Variants in KCTD9 observed in about 807,000 individuals in gnomAD.
The protein encoded by KCTD9 is BTB/POZ domain-containing protein KCTD9.
Under a neutral mutation model 53.3 loss-of-function variants are expected in KCTD9, and 17 were observed. The ratio of observed to expected loss-of-function variants is 0.32; its 90% CI spans 0.22 to 0.48. The LOEUF is 0.48. Among genes scored for constraint, KCTD9 ranks in the 20% least tolerant of loss-of-function variants. The probability of loss-of-function intolerance (pLI) is 0.99; values close to 1 mark genes in which losing one functional copy is unlikely to be tolerated. For missense variants in KCTD9, 179 were observed against 465.5 expected, an observed-to-expected ratio of 0.38 and a Z score of 5.66; for synonymous variants, 128 against 162.7, an observed-to-expected ratio of 0.79 and a Z score of 1.62.
intron 3 of KCTD9, among the ~76,000 whole-genome samples, chr8:25,444,030 C>T (rs948182678): frequency 7.9e-5 from 12 of 152,232 alleles, no homozygotes; most frequent in African/African-American, 2.9e-4. Context: ...ATCAAAACTA[C>T]CTTACTATGT....
At chr8:25,439,541 G>A in intron 5 of KCTD9, 65 bp downstream of exon 5, 1 of 1,590,572 alleles carries the variant, frequency 6.3e-7, no homozygotes, top group Non-Finnish European at 8.6e-7. Context: ...AAGGTCAGGA[G>A]TTATAAAGTC....
intron 1 of KCTD9, among the ~76,000 whole-genome samples, 189 bp downstream of exon 1, chr8:25,458,010 C>T (rs1348947537): frequency 6.6e-6 from 1 of 151,782 alleles, no homozygotes; most frequent in African/African-American, 2.4e-5. Context: ...AGGGCAGGCT[C>T]GGGCACGGGG....
intron 3 of KCTD9, among the ~76,000 whole-genome samples, chr8:25,441,573 C>T (rs1169081487): frequency 1.3e-5 from 2 of 151,862 alleles, no homozygotes; most frequent in African/African-American, 4.8e-5. Flanking sequence ...GTAGCAAGAA[C>T]TCCCAAGAGA....
At chr8:25,433,538 T>G in intron 9 of KCTD9, 103 bp from the exon 10 acceptor site, 1 of 483,130 alleles carries the variant, frequency 2.1e-6, no homozygotes, top group South Asian at 5.1e-5. Flanking sequence ...AAGGCTCAAC[T>G]CAAAACACTC....
chr8:25,449,430 A>G (rs1802277182), intron 1 of KCTD9, among the ~76,000 whole-genome samples: 1 of 152,170 alleles, frequency 6.6e-6, no homozygotes, highest in South Asian at 2.1e-4. Flanking sequence ...CAAAAAATAG[A>G]TGCAAGTTGA....
intron 3 of KCTD9, among the ~76,000 whole-genome samples, 181 bp downstream of exon 3, chr8:25,444,111 C>T (rs1020091667): frequency 2.6e-5 from 4 of 152,002 alleles, no homozygotes; most frequent in Non-Finnish European, 4.4e-5. Flanking sequence ...TAATAAACTA[C>T]GATCATATAG....
chr8:25,440,461 A>G (rs994744331), intron 4 of KCTD9, 116 bp downstream of exon 4: 11 of 737,848 alleles, frequency 1.5e-5, no homozygotes, highest in African/African-American at 3.5e-5. Flanking sequence ...TTCAGATCAC[A>G]TAGTATATTT....
intron 5 of KCTD9, 73 bp from the exon 6 acceptor site, chr8:25,439,480 T>G (rs1802077552): frequency 1.3e-6 from 2 of 1,565,008 alleles, no homozygotes; most frequent in Non-Finnish European, 1.7e-6. Flanking sequence ...AGGAAAAAAT[T>G]GCTAAATATA....
chr8:25,431,831 T>C (rs1323249919), intron 11 of KCTD9, among the ~76,000 whole-genome samples: 6 of 152,118 alleles, frequency 3.9e-5, no homozygotes, highest in Non-Finnish European at 1.5e-5. Context: ...GCTATCCAAT[T>C]TATACCAGAT....
intron 1 of KCTD9, among the ~76,000 whole-genome samples, chr8:25,447,032 T>C (rs1033381885): frequency 1.3e-5 from 2 of 152,190 alleles, no homozygotes; most frequent in Non-Finnish European, 1.5e-5. Flanking sequence ...ACTGTAACTA[T>C]GGGTTCCCAG....
chr8:25,433,895 C>A (rs1247925436), intron 9 of KCTD9, among the ~76,000 whole-genome samples: 1 of 152,058 alleles, frequency 6.6e-6, no homozygotes, highest in Non-Finnish European at 1.5e-5. Flanking sequence ...TTCTAAGATG[C>A]TACTACTGCC....
chr8:25,448,403 T>C (rs1563249398), intron 1 of KCTD9, among the ~76,000 whole-genome samples: 1 of 152,208 alleles, frequency 6.6e-6, no homozygotes, highest in Non-Finnish European at 1.5e-5. Context: ...GACTTATTTC[T>C]TAATGGTTAC....
At chr8:25,431,115 G>A (rs2117383437) in intron 11 of KCTD9, among the ~76,000 whole-genome samples, 1 of 152,222 alleles carries the variant, frequency 6.6e-6, no homozygotes, top group South Asian at 2.1e-4. Context: ...ACAGGCATGA[G>A]CCACTGCGCC....
chr8:25,436,177 A>C, intron 8 of KCTD9, 58 bp downstream of exon 8: 1 of 1,092,054 alleles, frequency 9.2e-7, no homozygotes, highest in South Asian at 1.3e-5. Context: ...AGAAGAATGT[A>C]AAATTTTATT....
chr8:25,437,330 T>C (rs1802035618), intron 6 of KCTD9, among the ~76,000 whole-genome samples: 1 of 152,196 alleles, frequency 6.6e-6, no homozygotes, highest in Admixed American at 6.5e-5. Context: ...GCAGCCAGGA[T>C]ACGTTTCCAA....
Position 25,429,673 on chromosome 8 carries a change from G to A in KCTD9, c.*184C>T. ...ATGAGTGCTTTTCTGTTAAAAATCA[G>A]AATATGGAAAAAAAGTCAGTTTTTT... On this transcript the variant is annotated 3_prime_UTR_variant, in exon 12 of 12. Coordinates refer to ENST00000221200, the MANE Select transcript of KCTD9 (RefSeq NM_017634.4). The A allele has an allele frequency of 1.9e-6, 1 of 515,066 alleles. No homozygotes were observed. The highest frequency in any genetic ancestry group is 3.6e-6 in the Non-Finnish European group (1 of 277,212). The allele number at this position is 515,066 out of a possible 1,614,324, so 31.9% of individuals were successfully genotyped here.
intron 1 of KCTD9, among the ~76,000 whole-genome samples, chr8:25,449,778 T>G (rs1172976535): frequency 1.3e-5 from 2 of 151,340 alleles, no homozygotes; most frequent in Non-Finnish European, 2.9e-5. Context: ...CAAATTTCCA[T>G]CATCTCAGTA....
chr8:25,436,509 AAAC>A, intron 6 of KCTD9, 24 bp from the exon 7 acceptor site: 2 of 1,402,388 alleles, frequency 1.4e-6, no homozygotes, highest in Non-Finnish European at 2.0e-6. Flanking sequence ...AATAATTCTG[AAAC>A]AACCTAATTT....
chr8:25,451,191 A>C (rs1485948967), intron 1 of KCTD9, among the ~76,000 whole-genome samples: 1 of 152,224 alleles, frequency 6.6e-6, no homozygotes, highest in Non-Finnish European at 1.5e-5. Flanking sequence ...TCAAATATGC[A>C]AAAACTCTGT....
Sources: gnomAD v4.1 joint callset for allele counts (sites outside exome capture counted in the v4.1 genomes callset) on GRCh38, gnomAD v4.1.1 for gene constraint, MANE v1.5 for transcripts, NCBI Gene and HGNC (gene_info 2026-07-23, HGNC 2026-07-21) for gene names.